The following ALG14 variants were observed in gnomAD, a reference collection of about 807,000 sequenced individuals.
The protein encoded by ALG14 is UDP-N-acetylglucosamine transferase subunit ALG14.
Under a neutral mutation model 22.8 loss-of-function variants are expected in ALG14, and 17 were observed. The ratio of observed to expected loss-of-function variants is 0.75; its 90% CI spans 0.51 to 1.12. The LOEUF (loss-of-function observed/expected upper bound fraction) is 1.12, where lower values mean the gene tolerates loss of function less well. ALG14 is among the 50% of genes most tolerant of loss of function. ALG14 has a pLI of 0.00. For missense variants in ALG14, 288 were observed against 271.8 expected (o/e 1.06, Z -0.42); for synonymous variants, 89 against 103.7 (o/e 0.86, Z 0.86).
At chr1:95,047,597 G>C (rs1231861502) in intron 2 of ALG14, among the ~76,000 whole-genome samples, 1 of 152,152 alleles carries the variant, frequency 6.6e-6, no homozygotes, top group Non-Finnish European at 1.5e-5. Context: ...GCCCGCCTTG[G>C]CCTCCCAAAG....
rs1377159216 is a variant in ALG14 at position 94,980,541 on chromosome 1, A to G, written c.*2535T>C. On this transcript the variant is annotated 3_prime_UTR_variant, in exon 4 of 4. Coordinates refer to ENST00000370205, the MANE Select transcript of ALG14 (RefSeq NM_144988.4). The stretch of plus-strand genomic sequence containing the variant: ...AGAAACTGGAAGGGACAAGCTAGCT[A>G]CTCATCTTCTTCAGTTTGAGTTGGG... 3 of 152,156 alleles carry G rather than the reference A, an allele frequency of 2.0e-5. No homozygotes were observed. The highest frequency in any genetic ancestry group is 7.2e-5 in the African/African-American group (3 of 41,440). 9.4% of individuals were successfully genotyped at this position (152,156 alleles called of 1,614,324 possible). A position where few individuals can be genotyped will look rare whatever the true frequency, so the allele number is the denominator to read the frequency against.
intron 3 of ALG14, chr1:95,022,327 G>C: frequency 1.0e-6 from 1 of 985,404 alleles, no homozygotes; most frequent in Non-Finnish European, 1.2e-6. Flanking sequence ...TTGTCACTCA[G>C]CCAATGTGTC....
At chr1:95,039,441 T>C (rs943113472) in intron 2 of ALG14, among the ~76,000 whole-genome samples, 9 of 151,950 alleles carry the variant, frequency 5.9e-5, no homozygotes, top group Non-Finnish European at 8.8e-5. Context: ...GGAATGGAGA[T>C]GACAAGCAGT....
chr1:95,068,977 A>G (rs1009235093), intron 1 of ALG14, among the ~76,000 whole-genome samples: 2 of 151,972 alleles, frequency 1.3e-5, no homozygotes, highest in African/African-American at 4.8e-5. Context: ...AAATCTTCCA[A>G]TCTCATCTGA....
intron 3 of ALG14, among the ~76,000 whole-genome samples, chr1:95,000,219 A>G (rs1450384692): frequency 6.6e-6 from 1 of 152,176 alleles, no homozygotes; most frequent in Non-Finnish European, 1.5e-5. Flanking sequence ...TTACTAAAAC[A>G]ACAATAAATG....
rs185624623 is a variant in ALG14, at chr1:94,996,767, C to T, written c.421-13461G>A. ...CACAATCTCGGCTCACTGCAACCTC[C>T]GCCTCCCATGTTCAAGCGATTCTCC... On this transcript the variant is annotated intron_variant, in intron 3 of 3. Coordinates refer to ENST00000370205, the MANE Select transcript of ALG14 (RefSeq NM_144988.4). Among the ~76,000 whole-genome samples the T allele has an allele frequency of 3.3e-3, 501 of 152,232 alleles. 1 individual carries two copies. The highest frequency in any genetic ancestry group is 0.011 in the African/African-American group (477 of 41,546).
intron 2 of ALG14, among the ~76,000 whole-genome samples, chr1:95,033,373 TGAGA>T (rs1439501190): frequency 6.7e-6 from 1 of 148,940 alleles, no homozygotes; most frequent in Non-Finnish European, 1.5e-5. Context: ...CTACGGGGGC[TGAGA>T]AATACATACA....
intron 3 of ALG14, among the ~76,000 whole-genome samples, chr1:95,019,931 T>C (rs563555998): frequency 1.8e-4 from 27 of 152,230 alleles, no homozygotes; most frequent in Admixed American, 3.3e-4. Context: ...AAATCCATGA[T>C]ACATGGCCGG....
chr1:95,031,689 C>T (rs546496826), intron 2 of ALG14, among the ~76,000 whole-genome samples: 22 of 152,026 alleles, frequency 1.4e-4, no homozygotes, highest in African/African-American at 4.8e-4. Flanking sequence ...CATATTCTTC[C>T]CTCCTCCATC....
chr1:94,990,875 G>A (rs907840973), intron 3 of ALG14, among the ~76,000 whole-genome samples: 6 of 152,174 alleles, frequency 3.9e-5, no homozygotes, highest in Admixed American at 2.0e-4. Flanking sequence ...AGTAAACTTC[G>A]GTTCTGTAGG....
intron 1 of ALG14, among the ~76,000 whole-genome samples, chr1:95,072,055 A>G (rs1675583080): frequency 6.6e-6 from 1 of 152,266 alleles, no homozygotes; most frequent in Non-Finnish European, 1.5e-5. Context: ...AGCTCAAAAC[A>G]GATTAAGTGA....
At chr1:94,985,333 C>T (rs1463672347) in intron 3 of ALG14, among the ~76,000 whole-genome samples, 1 of 152,220 alleles carries the variant, frequency 6.6e-6, no homozygotes, top group Non-Finnish European at 1.5e-5. Flanking sequence ...TTATGGGGGC[C>T]TGTCTTGTGC....
chr1:95,003,062 C>T (rs544960058), intron 3 of ALG14, among the ~76,000 whole-genome samples: 1 of 152,214 alleles, frequency 6.6e-6, no homozygotes, highest in African/African-American at 2.4e-5. Flanking sequence ...TTCCAGTTCA[C>T]GGAGATTAAA....
chr1:95,007,402 G>A (rs1371243560), intron 3 of ALG14, among the ~76,000 whole-genome samples: 4 of 152,134 alleles, frequency 2.6e-5, no homozygotes, highest in East Asian at 1.9e-4. Context: ...CAAGACTGGC[G>A]GGAACACCAC....
chr1:95,003,207 T>C (rs1420063514), intron 3 of ALG14, among the ~76,000 whole-genome samples: 2 of 152,196 alleles, frequency 1.3e-5, no homozygotes, highest in African/African-American at 2.4e-5. Flanking sequence ...TTATTTTCAA[T>C]TGAAAGTGAA....
At chr1:95,008,967 A>G (rs948103826) in intron 3 of ALG14, among the ~76,000 whole-genome samples, 1 of 152,164 alleles carries the variant, frequency 6.6e-6, no homozygotes, top group African/African-American at 2.4e-5. Flanking sequence ...TTCAGGGTTC[A>G]TCCATGTTGT....
At chr1:95,018,422 G>A (rs1239794211) in intron 3 of ALG14, among the ~76,000 whole-genome samples, 1 of 152,012 alleles carries the variant, frequency 6.6e-6, no homozygotes, top group African/African-American at 2.4e-5. Context: ...TGTAATCCCT[G>A]CTACTCGGGA....
At position 95,033,135 on chromosome 1, in the gene ALG14, G is replaced by A. The variant is rs532961374; in HGVS notation, c.289-5875C>T. On this transcript the variant is annotated intron_variant, in intron 2 of 3. Transcript: ENST00000370205. ...GTTAGTCTGTACCTTTGCTCTAAGG[G>A]AACTGTTCCTGACCCAGCTTCATGT... Among the ~76,000 whole-genome samples the A allele has an allele frequency of 1.3e-3, 192 of 151,958 alleles. 1 individual carries two copies. Among genetic ancestry groups the A allele is most frequent in the South Asian group, 2.3e-3 (11 of 4,812 alleles).
intron 1 of ALG14, among the ~76,000 whole-genome samples, chr1:95,071,784 G>A (rs1295009072): frequency 6.6e-6 from 1 of 152,156 alleles, no homozygotes; most frequent in Non-Finnish European, 1.5e-5. Flanking sequence ...TTTAAGACCT[G>A]ATAAAGTAGT....
Sources: allele counts gnomAD v4.1 joint callset (sites outside exome capture counted in the v4.1 genomes callset), GRCh38; gene constraint gnomAD v4.1.1; transcripts MANE v1.5; gene names NCBI Gene and HGNC (gene_info 2026-07-23, HGNC 2026-07-21).